The following INSR variants were observed in gnomAD, a reference collection of about 807,000 sequenced individuals.
The protein encoded by INSR is insulin receptor.
Under a neutral mutation model 142.6 loss-of-function variants are expected in INSR, and 67 were observed. That is an observed-to-expected ratio of 0.47 (90% CI 0.39 to 0.58). The LOEUF is 0.58. Among genes scored for constraint, INSR ranks in the 20% least tolerant of loss-of-function variants. The pLI is 0.00. For synonymous variants in INSR, 756 were observed against 743.1 expected (o/e 1.02, Z -0.28); for missense variants, 1,248 against 1,833.2 (o/e 0.68, Z 5.83).
chr19:7,132,230 G>A lies in INSR; in HGVS notation c.2770C>T (p.Arg924Ter), dbSNP rs387906538. Residue 924 changes from arginine (R) to a stop codon, truncating the protein, a stop_gained, in exon 14 of 22, where the codon CGA (arginine) becomes TGA (stop). Coordinates refer to ENST00000302850, the MANE Select transcript of INSR (RefSeq NM_000208.4). LOFTEE classifies it high-confidence loss of function. ...CCCGCAAGGGAGGTGGCCCGGATTC[G>A]CACGCTGTAGTTCCCCGGTGACAGC... The part of the protein sequence containing the change: ...RGLSPGNYSV[R>*]IRATSLAGNG... 3 of 1,614,216 alleles carry A rather than the reference G, an allele frequency of 1.9e-6. No individual in the cohort carries two copies. The highest frequency in any genetic ancestry group is 1.7e-5 in the Admixed American group (1 of 60,030).
At chr19:7,270,442 C>T (rs972336509) in intron 1 of INSR, among the ~76,000 whole-genome samples, 2 of 151,580 alleles carry the variant, frequency 1.3e-5, no homozygotes, top group African/African-American at 4.9e-5. Context: ...CAAAATCAGA[C>T]ATGAATATGC....
rs535913974 is a variant in INSR at position 7,272,334 on chromosome 19, A to G, written c.101-4438T>C. ...TAAATAAATAAATAAATGTAAATAAAAGGCCAGCCACAGTGGCTCACTCCT... is the reference window on the plus strand; with the variant it reads ...TAAATAAATAAATAAATGTAAATAAGAGGCCAGCCACAGTGGCTCACTCCT... On this transcript the variant is annotated intron_variant, in intron 1 of 21. Coordinates refer to ENST00000302850, the MANE Select transcript of INSR (RefSeq NM_000208.4). 4.0e-5 allele frequency among the ~76,000 whole-genome samples: 6 copies of G among 150,940 alleles called. No homozygotes were observed. In the South Asian group the frequency reaches 1.3e-3, roughly 32 times the overall value.
intron 2 of INSR, among the ~76,000 whole-genome samples, chr19:7,242,734 CA>C (rs71177186): frequency 0.24 from 21,521 of 91,304 alleles, 1,538 homozygotes; most frequent in Middle Eastern, 0.34. Context: ...GAGACTGCCT[CA>C]AAAAAAAAAA....
At chr19:7,161,226 T>C (rs1973740590) in intron 9 of INSR, among the ~76,000 whole-genome samples, 1 of 150,142 alleles carries the variant, frequency 6.7e-6, no homozygotes, top group Non-Finnish European at 1.5e-5. Flanking sequence ...ACATTGTGAA[T>C]GCACTTAATG....
intron 1 of INSR, among the ~76,000 whole-genome samples, chr19:7,280,847 C>T (rs1041945733): frequency 2.0e-5 from 3 of 151,648 alleles, no homozygotes; most frequent in African/African-American, 7.3e-5. Flanking sequence ...CAGCCAAGAT[C>T]GTGCCACTGC....
At chr19:7,250,600 G>GAGGAGGGAGGGAAGGAAGGAAGGAA (rs1976697613) in intron 2 of INSR, among the ~76,000 whole-genome samples, 1 of 130,962 alleles carries the variant, frequency 7.6e-6, no homozygotes, top group Non-Finnish European at 1.6e-5. Context: ...GAAGGAAGGA[G>GAGGAGGGAGGGAAGGAAGGAAGGAA]AGGAGGGAGG....
chr19:7,204,665 T>C (rs888368796), intron 2 of INSR, among the ~76,000 whole-genome samples: 12 of 152,154 alleles, frequency 7.9e-5, no homozygotes, highest in African/African-American at 2.9e-4. Context: ...ACCTGGAACT[T>C]CCCAGTTCTA....
chr19:7,256,450 C>CTAAA (rs138759322), intron 2 of INSR, among the ~76,000 whole-genome samples: 1 of 151,412 alleles, frequency 6.6e-6, no homozygotes, highest in African/African-American at 2.4e-5. Flanking sequence ...CTCCATCTCA[C>CTAAA]TAAATAAATA....
intron 7 of INSR, among the ~76,000 whole-genome samples, chr19:7,167,546 C>T (rs1973915341): frequency 1.3e-5 from 2 of 150,184 alleles, no homozygotes; most frequent in Non-Finnish European, 3.0e-5. Flanking sequence ...CTGCACTGTA[C>T]CCTGGGCAAC....
intron 9 of INSR, among the ~76,000 whole-genome samples, chr19:7,153,204 C>T (rs1390806973): frequency 4.0e-5 from 2 of 49,792 alleles, no homozygotes; most frequent in Admixed American, 2.1e-4. Flanking sequence ...ACACCACACA[C>T]ACCACACACC....
At chr19:7,207,751 A>C (rs762492340) in intron 2 of INSR, among the ~76,000 whole-genome samples, 44 of 151,962 alleles carry the variant, frequency 2.9e-4, no homozygotes, top group Non-Finnish European at 4.9e-4. Flanking sequence ...AGCAAGACCC[A>C]TCTCTACAAA....
intron 2 of INSR, among the ~76,000 whole-genome samples, chr19:7,200,951 C>G (rs903278447): frequency 2.6e-5 from 4 of 151,824 alleles, no homozygotes; most frequent in African/African-American, 9.7e-5. Context: ...TCTAACCACT[C>G]CGGCTTGCTC....
chr19:7,180,797 G>A (rs914812599), intron 3 of INSR, among the ~76,000 whole-genome samples: 2 of 152,060 alleles, frequency 1.3e-5, no homozygotes, highest in African/African-American at 2.4e-5. Context: ...CTGCGGTAAC[G>A]ACCACCACGG....
intron 1 of INSR, among the ~76,000 whole-genome samples, chr19:7,275,511 G>A (rs924906435): frequency 6.6e-6 from 1 of 151,874 alleles, no homozygotes; most frequent in Non-Finnish European, 1.5e-5. Flanking sequence ...AGCCAGGTGC[G>A]GTGGCTCACG....
intron 14 of INSR, among the ~76,000 whole-genome samples, chr19:7,130,937 G>A (rs1568433504): frequency 6.7e-6 from 1 of 149,036 alleles, no homozygotes; most frequent in Non-Finnish European, 1.5e-5. Flanking sequence ...GGAGTGCAGT[G>A]GCGTGATGTC....
chr19:7,131,679 C>T (rs1390429961), intron 14 of INSR, among the ~76,000 whole-genome samples: 1 of 124,998 alleles, frequency 8.0e-6, no homozygotes, highest in East Asian at 2.3e-4. Flanking sequence ...GCACAGGTAC[C>T]TCTGAAACTT....
chr19:7,114,936 C>T lies in INSR; in HGVS notation c.*2120G>A, dbSNP rs1355974830. 2 of 151,598 alleles carry T rather than the reference C, an allele frequency of 1.3e-5. No individual in the cohort carries two copies. The highest frequency in any genetic ancestry group is 2.9e-5 in the Non-Finnish European group (2 of 67,936). 9.4% of individuals were successfully genotyped at this position (151,598 alleles called of 1,614,324 possible). The stretch of plus-strand genomic sequence containing the variant: ...TTTTTTTTTAAATTTAGGTACAGAC[C>T]CTCATATTTACAAAATAAATTTGGC... On this transcript the variant is annotated 3_prime_UTR_variant, in exon 22 of 22. Transcript: ENST00000302850.
chr19:7,290,387 C>T (rs1334611142), intron 1 of INSR, among the ~76,000 whole-genome samples: 3 of 152,024 alleles, frequency 2.0e-5, no homozygotes, highest in South Asian at 2.1e-4. Context: ...GCCTAAGCAA[C>T]AGAGCAAGAC....
chr19:7,242,071 T>G (rs1453290180), intron 2 of INSR, among the ~76,000 whole-genome samples: 1 of 150,816 alleles, frequency 6.6e-6, no homozygotes, highest in African/African-American at 2.4e-5. Context: ...AGAATTGCTT[T>G]GAACTCAGGA....
Sources: gnomAD v4.1 joint callset for allele counts (sites outside exome capture counted in the v4.1 genomes callset) on GRCh38, gnomAD v4.1.1 for gene constraint, MANE v1.5 for transcripts, NCBI Gene and HGNC (gene_info 2026-07-23, HGNC 2026-07-21) for gene names.